Variants in NDUFAF6 observed in about 807,000 individuals in gnomAD.
The protein encoded by NDUFAF6 is NADH dehydrogenase (ubiquinone) complex I, assembly factor 6.
NDUFAF6 carries 45 observed loss-of-function variants against 40.8 expected under a neutral mutation model. The observed-to-expected ratio is 1.10, with a 90% CI of 0.87 to 1.42. The LOEUF is 1.42. Ranked by LOEUF, NDUFAF6 falls within the 40% of genes most tolerant of loss-of-function variation. The probability of loss-of-function intolerance (pLI) is 0.00; values close to 1 mark genes in which losing one functional copy is unlikely to be tolerated. For synonymous variants in NDUFAF6, 185 were observed against 155.9 expected (o/e 1.19, Z -1.39); for missense variants, 435 against 418.5 (o/e 1.04, Z -0.34).
intron 9 of NDUFAF6, among the ~76,000 whole-genome samples, chr8:95,074,887 A>C (rs2132042500): frequency 6.6e-6 from 1 of 152,344 alleles, no homozygotes; most frequent in African/African-American, 2.4e-5. Context: ...TCATGTTATG[A>C]TTAGGCTTTG....
rs777038228 is a variant in NDUFAF6, at chr8:95,045,541, G to A, written c.478-4G>A. 2.6e-5 allele frequency: 42 copies of A among 1,607,536 alleles called. No homozygotes were observed. In the South Asian group the frequency reaches 4.4e-4, roughly 17 times the overall value. ...AGACTTTATTTGCATTTTATTTGAT[G>A]TAGGAAAAAAATCTGGATGACAAAG... On this transcript the variant is annotated splice_polypyrimidine_tract_variant and splice_region_variant and intron_variant, in intron 4 of 8. Coordinates refer to ENST00000396124, the MANE Select transcript of NDUFAF6 (RefSeq NM_152416.4).
chr8:94,983,293 C>G (rs1825597077), intron 2 of NDUFAF6, among the ~76,000 whole-genome samples: 1 of 95,470 alleles, frequency 1.0e-5, no homozygotes, highest in Non-Finnish European at 1.9e-5. Context: ...GAGACAGTGT[C>G]TCACTTTGTT....
rs539386419 is a variant in NDUFAF6 at position 95,046,590 on chromosome 8, C to G, written c.581-404C>G. 2.6e-5 allele frequency among the ~76,000 whole-genome samples: 4 copies of G among 152,312 alleles called. No homozygotes were observed. The East Asian group carries it at 7.7e-4, about 29-fold the overall frequency. ...CCCAGGCCTATTCTGGCCCACAGCTCTGGTGACATGTTTGCCATCACAATG... is the reference window on the plus strand; with the variant it reads ...CCCAGGCCTATTCTGGCCCACAGCTGTGGTGACATGTTTGCCATCACAATG... On this transcript the variant is annotated intron_variant, in intron 5 of 8. Coordinates refer to ENST00000396124, the MANE Select transcript of NDUFAF6 (RefSeq NM_152416.4).
upstream of NDUFAF6, among the ~76,000 whole-genome samples, chr8:94,957,773 C>T (rs990115720): frequency 6.6e-6 from 1 of 152,168 alleles, no homozygotes; most frequent in Non-Finnish European, 1.5e-5. Flanking sequence ...ACATCTGAAC[C>T]CCCGGGCCAC....
In NDUFAF6 at chr8:95,045,546, A is replaced by G. The variant is rs765258608; in HGVS notation, c.479A>G (p.Glu160Gly). The G allele has an allele frequency of 1.2e-6, 2 of 1,610,068 alleles. No individual in the cohort carries two copies. Among genetic ancestry groups the G allele is most frequent in the Admixed American group, 3.3e-5 (2 of 59,994 alleles). ...RWLMKIVDEREKNLDDKAYRN... is the reference protein window; with the variant it reads ...RWLMKIVDERGKNLDDKAYRN... ...TTATTTGCATTTTATTTGATGTAGG[A>G]AAAAAATCTGGATGACAAAGCATAT... Residue 160 changes from glutamate (E) to glycine (G), a missense_variant and splice_region_variant, in exon 5 of 9, where the codon GAA becomes GGA. By Grantham distance (98) the Glu-to-Gly change is moderately conservative. Transcript: ENST00000396124.
chr8:95,067,350 A>G (rs1295528918), intron 9 of NDUFAF6: 1 of 152,052 alleles, frequency 6.6e-6, no homozygotes, highest in Non-Finnish European at 1.5e-5. Context: ...AGCATATGGG[A>G]CAAGAATGTG....
upstream of NDUFAF6, among the ~76,000 whole-genome samples, chr8:95,097,400 A>G (rs1265879219): frequency 1.3e-5 from 2 of 152,252 alleles, no homozygotes; most frequent in Non-Finnish European, 2.9e-5. Context: ...AGAATAGTAT[A>G]CATTAAAATA....
chr8:94,963,314 C>T (rs1471159731), intron 1 of NDUFAF6, among the ~76,000 whole-genome samples: 2 of 152,182 alleles, frequency 1.3e-5, no homozygotes, highest in Non-Finnish European at 2.9e-5. Context: ...GTGAATGAAG[C>T]AGTGGTCCTG....
intron 1 of NDUFAF6, among the ~76,000 whole-genome samples, chr8:94,963,186 T>C (rs1823742104): frequency 6.6e-6 from 1 of 152,232 alleles, no homozygotes; most frequent in Admixed American, 6.5e-5. Context: ...GCATGTCTTA[T>C]TGATACAGAG....
At chr8:95,068,440 A>G (rs1832753966) in intron 9 of NDUFAF6, 1 of 151,956 alleles carries the variant, frequency 6.6e-6, no homozygotes. Context: ...GTGTCTGCAC[A>G]TGGTAGGAGC....
intron 4 of NDUFAF6, among the ~76,000 whole-genome samples, chr8:95,113,490 C>A (rs1810052325): frequency 6.6e-6 from 1 of 152,124 alleles, no homozygotes; most frequent in Non-Finnish European, 1.5e-5. Flanking sequence ...TCTGAGGGAC[C>A]TTCCAGGGGT....
chr8:95,108,608 A>T (rs1809908859), intron 4 of NDUFAF6, among the ~76,000 whole-genome samples: 1 of 152,190 alleles, frequency 6.6e-6, no homozygotes. Context: ...GCTTGGGATG[A>T]TGAAAAAGTT....
At chr8:94,901,828 G>A (rs778860358) in intron 1 of NDUFAF6, among the ~76,000 whole-genome samples, 1 of 152,010 alleles carries the variant, frequency 6.6e-6, no homozygotes, top group South Asian at 2.1e-4. Flanking sequence ...CAAGTGATCC[G>A]CTGGCCTCAG....
intron 2 of NDUFAF6, among the ~76,000 whole-genome samples, chr8:95,086,159 G>A (rs1809036313): frequency 6.6e-6 from 1 of 152,072 alleles, no homozygotes. Flanking sequence ...GGCCAAAACA[G>A]GGGACTGAAG....
downstream of NDUFAF6, among the ~76,000 whole-genome samples, chr8:95,117,452 A>G (rs542822413): frequency 6.6e-6 from 1 of 152,310 alleles, no homozygotes; most frequent in African/African-American, 2.4e-5. Context: ...TTACAAATAA[A>G]GCTTTTTTTG....
chr8:95,044,757 C>CTTT (rs373961068), intron 4 of NDUFAF6, among the ~76,000 whole-genome samples: 1 of 141,974 alleles, frequency 7.0e-6, no homozygotes, highest in Non-Finnish European at 1.5e-5. Context: ...CACCCAGCCT[C>CTTT]TTTTTTTTTT....
intron 1 of NDUFAF6, among the ~76,000 whole-genome samples, chr8:94,897,360 A>G (rs1391491792): frequency 2.0e-5 from 3 of 152,230 alleles, no homozygotes; most frequent in African/African-American, 7.2e-5. Context: ...TTGTGTGGAA[A>G]GGAATAGAGT....
At chr8:94,926,724 C>G (rs970039616) in intron 1 of NDUFAF6, 2 of 152,224 alleles carry the variant, frequency 1.3e-5, no homozygotes, top group African/African-American at 4.8e-5. Flanking sequence ...GATACTGTTG[C>G]ACATAAAAGA....
At chr8:95,099,954 G>T (rs1809598892), upstream of NDUFAF6, among the ~76,000 whole-genome samples, 1 of 152,156 alleles carries the variant, frequency 6.6e-6, no homozygotes, top group Non-Finnish European at 1.5e-5. Context: ...CCAGGCTTTG[G>T]GAGAACATGC....
Sources: allele counts gnomAD v4.1 joint callset (sites outside exome capture counted in the v4.1 genomes callset), GRCh38; gene constraint gnomAD v4.1.1; transcripts MANE v1.5; gene names NCBI Gene and HGNC (gene_info 2026-07-23, HGNC 2026-07-21).